The following PTPRN2 variants were observed in gnomAD, a reference collection of about 807,000 sequenced individuals.
PTPRN2 encodes receptor-type tyrosine-protein phosphatase N2.
A neutral mutation model predicts 118.8 loss-of-function variants in PTPRN2; 74 were observed. The observed-to-expected ratio is 0.62, with a 90% CI of 0.52 to 0.76. PTPRN2 has a LOEUF of 0.76. Among genes scored for constraint, PTPRN2 ranks in the 30% least tolerant of loss-of-function variants. PTPRN2 has a pLI of 0.00. For missense variants in PTPRN2, 1,481 were observed against 1,394.4 expected (o/e 1.06, Z -0.99); for synonymous variants, 641 against 608.0 (o/e 1.05, Z -0.80).
At position 157,929,337 on chromosome 7, in the gene PTPRN2, G is replaced by C. The variant is rs1009130948; in HGVS notation, c.1724-30600C>G. ...GCCTTACGGTGGGGATGCTGGACAG[G>C]CATTCAGGAGACACAAATGTCAACT... On this transcript the variant is annotated intron_variant, in intron 11 of 22. Transcript: ENST00000389418. This position sits in a 1 kb window ranked among gnomAD's most constrained non-coding sequence, Gnocchi z 4.4. 6.6e-6 allele frequency among the ~76,000 whole-genome samples: 1 copy of C among 151,850 alleles called. No homozygotes were observed. The highest frequency in any genetic ancestry group is 1.5e-5 in the Non-Finnish European group (1 of 67,898).
chr7:158,139,305 T>C (rs1819145864), intron 6 of PTPRN2, among the ~76,000 whole-genome samples: 1 of 152,196 alleles, frequency 6.6e-6, no homozygotes, highest in African/African-American at 2.4e-5. Context: ...ACACATTCTG[T>C]AAGTGAAGAG....
chr7:158,076,259 C>T (rs78000976), intron 11 of PTPRN2, among the ~76,000 whole-genome samples: 1,582 of 152,328 alleles, frequency 0.01, 27 homozygotes, highest in African/African-American at 0.036. Context: ...TACCGGAGCA[C>T]GGATGGGCTT....
chr7:158,513,100 A>AG (rs1380149586), intron 1 of PTPRN2, among the ~76,000 whole-genome samples: 1 of 152,064 alleles, frequency 6.6e-6, no homozygotes, highest in African/African-American at 2.4e-5. Context: ...AAGCGGGGTG[A>AG]GGGGGAGAAG....
chr7:158,264,846 C>T (rs757959215), intron 3 of PTPRN2, among the ~76,000 whole-genome samples: 1 of 152,204 alleles, frequency 6.6e-6, no homozygotes, highest in Non-Finnish European at 1.5e-5. Flanking sequence ...GTCCCTGGTC[C>T]TTGCTGGCAC....
intron 11 of PTPRN2, among the ~76,000 whole-genome samples, chr7:158,033,291 C>T (rs528734530): frequency 5.9e-5 from 9 of 152,144 alleles, no homozygotes; most frequent in Admixed American, 2.0e-4. Context: ...GGATGTGGGA[C>T]GAGAGAATGA....
chr7:158,301,357 A>G (rs1389735540), intron 3 of PTPRN2, among the ~76,000 whole-genome samples: 2 of 152,178 alleles, frequency 1.3e-5, no homozygotes, highest in Non-Finnish European at 2.9e-5. Flanking sequence ...ATCTGTTTGC[A>G]TTAATATGCG....
In PTPRN2 at chr7:158,527,872, C is replaced by T. The variant is rs151208661; in HGVS notation, c.113-38087G>A. On this transcript the variant is annotated intron_variant, in intron 1 of 22. Coordinates refer to ENST00000389418, the MANE Select transcript of PTPRN2 (RefSeq NM_002847.5). ...AGCACCAGCCACATCTCACCTGCCC[C>T]ACAAGCTGCGCCTCGGTGCTGCTGT... Among the ~76,000 whole-genome samples the T allele has an allele frequency of 1.8e-3, 273 of 152,344 alleles. 1 individual carries two copies. Among genetic ancestry groups the T allele is most frequent in the African/African-American group, 6.1e-3 (254 of 41,566 alleles).
chr7:158,091,427 T>C (rs1287041938), intron 10 of PTPRN2, among the ~76,000 whole-genome samples: 1 of 152,276 alleles, frequency 6.6e-6, no homozygotes, highest in Non-Finnish European at 1.5e-5. Flanking sequence ...TTGAAAGTTA[T>C]TTAGAAATGA....
chr7:157,994,197 C>A (rs1042652440), intron 11 of PTPRN2, among the ~76,000 whole-genome samples: 1 of 152,100 alleles, frequency 6.6e-6, no homozygotes, highest in Non-Finnish European at 1.5e-5. Context: ...GAGAAAATAC[C>A]GATGCAGGTC....
chr7:158,396,852 A>T lies in PTPRN2; in HGVS notation c.164-79920T>A, dbSNP rs569894701. ...CAGCTCAGCAGTGGTTCCCAAAATA[A>T]GACTGTTGAGAGCCCAGAAATAGCC... On this transcript the variant is annotated intron_variant, in intron 2 of 22. Coordinates refer to ENST00000389418, the MANE Select transcript of PTPRN2 (RefSeq NM_002847.5). Among the ~76,000 whole-genome samples the T allele has an allele frequency of 4.6e-5, 7 of 152,374 alleles. No homozygotes were observed. The East Asian group carries it at 9.6e-4, about 21-fold the overall frequency.
At chr7:158,453,608 T>TGGGTGTTGG (rs71200025) in intron 2 of PTPRN2, among the ~76,000 whole-genome samples, 1 of 151,794 alleles carries the variant, frequency 6.6e-6, no homozygotes. Flanking sequence ...CTGTTGCCCC[T>TGGGTGTTGG]GGGTGAGCTC....
intron 9 of PTPRN2, among the ~76,000 whole-genome samples, chr7:158,131,993 C>G (rs989858893): frequency 6.7e-6 from 1 of 148,224 alleles, no homozygotes; most frequent in African/African-American, 2.5e-5. Context: ...CACACTCACA[C>G]ACATGTAAAT....
chr7:158,333,702 C>A (rs1271662850), intron 2 of PTPRN2, among the ~76,000 whole-genome samples: 1 of 150,840 alleles, frequency 6.6e-6, no homozygotes, highest in Non-Finnish European at 1.5e-5. Flanking sequence ...ACACTGTCAC[C>A]ATAAGAGCTG....
In PTPRN2 at chr7:157,603,121, C is replaced by T. The variant is rs1169642969; in HGVS notation, c.2418+881G>A. On this transcript the variant is annotated intron_variant, in intron 16 of 22. Coordinates refer to ENST00000389418, the MANE Select transcript of PTPRN2 (RefSeq NM_002847.5). The surrounding 1 kb of genome is among the most constrained non-coding windows in gnomAD (Gnocchi z 5.4). ...GCCATCCGCCAGGTCTCCAAAGCCC[C>T]GGCCCTGGACAGTGTCCCATCCCGC... 2.0e-5 allele frequency among the ~76,000 whole-genome samples: 3 copies of T among 152,174 alleles called. No homozygotes were observed. The highest frequency in any genetic ancestry group is 4.4e-5 in the Non-Finnish European group (3 of 68,020).
chr7:158,321,013 G>A (rs2151113768), intron 2 of PTPRN2, among the ~76,000 whole-genome samples: 1 of 152,232 alleles, frequency 6.6e-6, no homozygotes, highest in Middle Eastern at 3.4e-3. Flanking sequence ...CTAATAGGCA[G>A]GACCCCAAAA....
At chr7:158,461,031 C>T (rs910134222) in intron 2 of PTPRN2, among the ~76,000 whole-genome samples, 1 of 152,202 alleles carries the variant, frequency 6.6e-6, no homozygotes, top group Non-Finnish European at 1.5e-5. Context: ...AAACCCAAGA[C>T]ACACTGCAGA....
At position 158,449,330 on chromosome 7, in the gene PTPRN2, C is replaced by T. The variant is rs566145405; in HGVS notation, c.163+40405G>A. ...TGGCCCAAGGGCAGGTGAGGGTGGT[C>T]GGCCCACAGGGCCCTCCCGGAGCAG... On this transcript the variant is annotated intron_variant, in intron 2 of 22. Transcript: ENST00000389418. 2.6e-4 allele frequency among the ~76,000 whole-genome samples: 40 copies of T among 152,314 alleles called. No homozygotes were observed. In the East Asian group the frequency reaches 3.7e-3, roughly 14 times the overall value.
At position 158,229,030 on chromosome 7, in the gene PTPRN2, C is replaced by A. The variant is rs188362600; in HGVS notation, c.278-23757G>T. 2.5e-4 allele frequency among the ~76,000 whole-genome samples: 38 copies of A among 152,218 alleles called. No individual in the cohort carries two copies. The Middle Eastern group carries it at 0.01, about 41-fold the overall frequency. ...GAATGCTCCACAGGTCCCCTCAGCA[C>A]GAGGCCCCAGCCAGCCTTCTCACAC... On this transcript the variant is annotated intron_variant, in intron 3 of 22. Transcript: ENST00000389418.
chr7:158,194,811 T>C (rs562850521), intron 4 of PTPRN2, among the ~76,000 whole-genome samples: 2 of 152,344 alleles, frequency 1.3e-5, no homozygotes, highest in Non-Finnish European at 2.9e-5. Context: ...AACTGTCACG[T>C]TTAACTGACC....
Sources: gnomAD v4.1 joint callset for allele counts (sites outside exome capture counted in the v4.1 genomes callset) on GRCh38, gnomAD v4.1.1 for gene constraint, Gnocchi (gnomAD v3.1) non-coding constraint, MANE v1.5 for transcripts, NCBI Gene and HGNC (gene_info 2026-07-23, HGNC 2026-07-21) for gene names.